The following GRM3 variants were observed in gnomAD, a reference collection of about 807,000 sequenced individuals.
GRM3 encodes metabotropic glutamate receptor 3.
A neutral mutation model predicts 70.5 loss-of-function variants in GRM3; 26 were observed. That is an observed-to-expected ratio of 0.37 (90% CI 0.27 to 0.51). GRM3 has a LOEUF of 0.51. Ranked by LOEUF, GRM3 falls within the 20% of genes least tolerant of loss-of-function variation. The pLI, the probability that GRM3 is intolerant of heterozygous loss-of-function variation, is 0.93. For missense variants in GRM3, 859 were observed against 1,123.8 expected, an observed-to-expected ratio of 0.76 and a Z score of 3.37; for synonymous variants, 443 against 434.9, an observed-to-expected ratio of 1.02 and a Z score of -0.23.
intron 3 of GRM3, among the ~76,000 whole-genome samples, chr7:86,795,637 A>G (rs1432228209): frequency 3.3e-5 from 5 of 152,054 alleles, no homozygotes; most frequent in Non-Finnish European, 7.4e-5. Context: ...TCCATGGTGT[A>G]TATGTACCAC....
At chr7:86,645,011 G>C in intron 1 of GRM3, 139 bp downstream of exon 1, 2 of 382,380 alleles carry the variant, frequency 5.2e-6, no homozygotes, top group East Asian at 1.5e-4. Flanking sequence ...GACTGGAGTG[G>C]GAAGGGTGGA....
intron 1 of GRM3, among the ~76,000 whole-genome samples, chr7:86,746,658 C>CTA (rs1465236808): frequency 6.6e-6 from 1 of 151,910 alleles, no homozygotes; most frequent in Admixed American, 6.6e-5. Context: ...GCATAAATTC[C>CTA]TAGCCCGATG....
chr7:86,788,078 T>C (rs1797313735), intron 3 of GRM3, among the ~76,000 whole-genome samples: 1 of 152,198 alleles, frequency 6.6e-6, no homozygotes, highest in Non-Finnish European at 1.5e-5. Context: ...AGTGATAAAA[T>C]GCTTTCATCA....
chr7:86,843,911 G>A (rs1220344068), intron 4 of GRM3, among the ~76,000 whole-genome samples: 1 of 152,160 alleles, frequency 6.6e-6, no homozygotes, highest in Admixed American at 6.6e-5. Context: ...TAACGTGCAT[G>A]CAAATCACCT....
chr7:86,798,585 C>T (rs1797611072), intron 3 of GRM3, among the ~76,000 whole-genome samples: 1 of 152,232 alleles, frequency 6.6e-6, no homozygotes, highest in South Asian at 2.1e-4. Context: ...TTTACAGGCT[C>T]ATAGGCAAAG....
intron 1 of GRM3, among the ~76,000 whole-genome samples, chr7:86,723,153 G>T (rs919176334): frequency 2.0e-5 from 3 of 151,778 alleles, no homozygotes; most frequent in African/African-American, 7.3e-5. Context: ...TCTCTAGAAG[G>T]TATTTCATTC....
At chr7:86,656,609 T>C (rs1443591285) in intron 1 of GRM3, among the ~76,000 whole-genome samples, 6 of 151,988 alleles carry the variant, frequency 3.9e-5, no homozygotes, top group African/African-American at 1.5e-4. Context: ...CCAATTTTTG[T>C]GAACATATTT....
intron 1 of GRM3, among the ~76,000 whole-genome samples, chr7:86,728,472 A>C (rs188707854): frequency 6.6e-6 from 1 of 152,220 alleles, no homozygotes. Flanking sequence ...ACTATAGTCA[A>C]CTCAGCCTCA....
intron 1 of GRM3, among the ~76,000 whole-genome samples, chr7:86,760,214 C>A (rs1339151484): frequency 6.6e-6 from 1 of 152,070 alleles, no homozygotes; most frequent in South Asian, 2.1e-4. Flanking sequence ...AAGTGCATTT[C>A]ATTTCCGACA....
intron 1 of GRM3, among the ~76,000 whole-genome samples, chr7:86,740,837 G>A (rs1205257507): frequency 6.6e-6 from 1 of 152,138 alleles, no homozygotes; most frequent in African/African-American, 2.4e-5. Context: ...TCCTACCAGA[G>A]TAATGGAAAT....
intron 1 of GRM3, among the ~76,000 whole-genome samples, chr7:86,667,896 A>T (rs1048826383): frequency 6.6e-6 from 1 of 152,058 alleles, no homozygotes; most frequent in Non-Finnish European, 1.5e-5. Flanking sequence ...TCACCCACTC[A>T]ATGAACAGAA....
At chr7:86,715,907 G>C (rs1003614079) in intron 1 of GRM3, among the ~76,000 whole-genome samples, 2 of 151,848 alleles carry the variant, frequency 1.3e-5, no homozygotes, top group Non-Finnish European at 2.9e-5. Context: ...GGAAAGCTAG[G>C]GAAATTATGA....
chr7:86,739,810 G>A (rs1399070062), intron 1 of GRM3, among the ~76,000 whole-genome samples: 2 of 152,170 alleles, frequency 1.3e-5, no homozygotes, highest in East Asian at 3.9e-4. Context: ...AGACAGGAAA[G>A]AAAGATTATC....
intron 1 of GRM3, among the ~76,000 whole-genome samples, chr7:86,759,566 T>C (rs926218717): frequency 2.0e-5 from 3 of 152,172 alleles, no homozygotes; most frequent in African/African-American, 7.2e-5. Flanking sequence ...ATCTAGAGTA[T>C]GCTCCTTGAT....
intron 1 of GRM3, among the ~76,000 whole-genome samples, chr7:86,751,280 G>C (rs1796223950): frequency 6.6e-6 from 1 of 152,210 alleles, no homozygotes; most frequent in Non-Finnish European, 1.5e-5. Flanking sequence ...GGAGGAGGCT[G>C]TGGCCCTCTT....
intron 1 of GRM3, among the ~76,000 whole-genome samples, chr7:86,693,380 C>T (rs1562827867): frequency 6.6e-6 from 1 of 152,152 alleles, no homozygotes; most frequent in Non-Finnish European, 1.5e-5. Context: ...TAATGCCTCC[C>T]CACACACAAA....
chr7:86,670,624 A>T (rs1794146531), intron 1 of GRM3, among the ~76,000 whole-genome samples: 1 of 152,196 alleles, frequency 6.6e-6, no homozygotes, highest in Non-Finnish European at 1.5e-5. Flanking sequence ...CTGTTGTATT[A>T]CTAGAGTCTG....
chr7:86,697,282 TAAACAAAAGCAA>T (rs1489716187), intron 1 of GRM3, among the ~76,000 whole-genome samples: 1 of 142,542 alleles, frequency 7.0e-6, no homozygotes, highest in Non-Finnish European at 1.5e-5. Context: ...AGTATACAAT[TAAACAAAAGCAA>T]AAAAAAAAAA....
At chr7:86,767,557 AT>A (rs1319388141) in intron 2 of GRM3, among the ~76,000 whole-genome samples, 7 of 124,194 alleles carry the variant, frequency 5.6e-5, no homozygotes, top group Non-Finnish European at 8.6e-5. Context: ...ATATATATAT[AT>A]AAATGAAGTA....
Sources: gnomAD v4.1 joint callset for allele counts (sites outside exome capture counted in the v4.1 genomes callset) on GRCh38, gnomAD v4.1.1 for gene constraint, MANE v1.5 for transcripts, NCBI Gene and HGNC (gene_info 2026-07-23, HGNC 2026-07-21) for gene names.